USP22: variants seen among roughly 807,000 people sequenced by gnomAD.
The protein encoded by USP22 is ubiquitin specific peptidase 22, also known as ubiquitin carboxyl-terminal hydrolase 22.
In USP22, 22 loss-of-function variants were observed where a neutral mutation model predicts 68.1. The observed-to-expected ratio is 0.32, with a 90% CI of 0.23 to 0.46. The LOEUF is 0.46. USP22 is among the 20% of genes least tolerant of loss of function. The probability of loss-of-function intolerance (pLI) is 1.00; values close to 1 mark genes in which losing one functional copy is unlikely to be tolerated. For synonymous variants in USP22, 279 were observed against 274.2 expected (o/e 1.02, Z -0.17); for missense variants, 433 against 695.8 (o/e 0.62, Z 4.25).
intron 8 of USP22, among the ~76,000 whole-genome samples, chr17:21,010,572 G>C (rs1597690019): frequency 1.0e-5 from 1 of 99,820 alleles, no homozygotes; most frequent in Non-Finnish European, 2.6e-5. Context: ...AGCTACTCAG[G>C]AGAATCACTT....
chr17:21,008,062 G>T, intron 8 of USP22, 66 bp from the exon 9 acceptor site: 1 of 1,562,390 alleles, frequency 6.4e-7, no homozygotes. Context: ...TGAGAGGAAA[G>T]AGGTATTTTA....
In USP22 at chr17:21,007,946, C is replaced by A. The variant is rs754719932; in HGVS notation, c.1154G>T (p.Gly385Val). The change falls in exon 9 of 13, where the codon GGT (glycine) becomes GTT (valine). Residue 385 changes from glycine (G) to valine (V), a missense_variant. By Grantham distance (109) the Gly-to-Val change is moderately radical (BLOSUM62 -3). Transcript: ENST00000261497. The stretch of plus-strand genomic sequence containing the variant: ...TGTGGACTCCTGGTAGCTATGGCAA[C>A]CGCTGCACTTGATCTTGGCGCTGCT... ...LGSSAKIKCS[G>V]CHSYQESTKQ... The A allele has an allele frequency of 1.2e-6, 2 of 1,614,020 alleles. No homozygotes were observed. The highest frequency in any genetic ancestry group is 1.7e-6 in the Non-Finnish European group (2 of 1,180,030).
intron 7 of USP22, among the ~76,000 whole-genome samples, chr17:21,012,521 A>C (rs182639600): frequency 2.6e-5 from 4 of 152,200 alleles, no homozygotes; most frequent in African/African-American, 9.6e-5. Context: ...GGGCTCTTTC[A>C]CTTGGTCCCT....
At chr17:21,030,082 A>T (rs1198558525) in intron 1 of USP22, among the ~76,000 whole-genome samples, 1 of 152,190 alleles carries the variant, frequency 6.6e-6, no homozygotes, top group Non-Finnish European at 1.5e-5. Flanking sequence ...TGATTCCAGG[A>T]TCCCCTCAGG....
chr17:21,002,953 A>AG lies in USP22; in HGVS notation c.*77dup, dbSNP rs11430423. On this transcript the variant is annotated 3_prime_UTR_variant, in exon 13 of 13. Transcript: ENST00000261497. Reference sequence around the variant, plus strand: ...GGGGAGGCGGCGGGAGACTTGGGGGAGGGGGGGGCCAGGGAGGATCACTTT... The same window carrying AG: ...GGGGAGGCGGCGGGAGACTTGGGGGAGGGGGGGGGCCAGGGAGGATCACTTT... The AG allele has an allele frequency of 0.03, 43,711 of 1,479,072 alleles. 3,295 individuals carry two copies. In the African/African-American group the frequency reaches 0.3, roughly 10 times the overall value. The allele number at this position is 1,479,072 out of a possible 1,614,324, so 91.6% of individuals were successfully genotyped here. A position where few individuals can be genotyped will look rare whatever the true frequency, so the allele number is the denominator to read the frequency against.
At position 21,021,233 on chromosome 17, in the gene USP22, A is replaced by T; in HGVS notation, c.305-7T>A. ...CCGTACATCAGATCAATGGCTGAGGAGAGAAAGGAGGGAGGAGAAACCAAG... is the reference window on the plus strand; with the variant it reads ...CCGTACATCAGATCAATGGCTGAGGTGAGAAAGGAGGGAGGAGAAACCAAG... On this transcript the variant is annotated splice_polypyrimidine_tract_variant and splice_region_variant and intron_variant, in intron 2 of 12. Coordinates refer to ENST00000261497, the MANE Select transcript of USP22 (RefSeq NM_015276.2). 6.3e-7 allele frequency: 1 copy of T among 1,589,750 alleles called. No homozygotes were observed. The highest frequency in any genetic ancestry group is 8.6e-7 in the Non-Finnish European group (1 of 1,157,778).
rs1287773287 is a variant in USP22, at chr17:21,033,940, G to A, written c.172-5266C>T. Among the ~76,000 whole-genome samples, 3 of 151,956 alleles carry A rather than the reference G, an allele frequency of 2.0e-5. No individual in the cohort carries two copies. In the East Asian group the frequency reaches 5.8e-4, roughly 29 times the overall value. ...ACTTTTTGTATTTTAGTACAGATGA[G>A]GTTTCACCATGTTGGCCAGGATGGT... is the stretch of plus-strand genomic sequence containing the variant. On this transcript the variant is annotated intron_variant, in intron 1 of 12. Coordinates refer to ENST00000261497, the MANE Select transcript of USP22 (RefSeq NM_015276.2).
intron 4 of USP22, chr17:21,018,331 T>C (rs941898436): frequency 5.7e-5 from 26 of 452,864 alleles, no homozygotes; most frequent in Admixed American, 1.2e-4. Context: ...ACTTCAGCCA[T>C]TGTATGCTTT....
At chr17:21,036,324 T>C (rs1972356187) in intron 1 of USP22, among the ~76,000 whole-genome samples, 2 of 152,232 alleles carry the variant, frequency 1.3e-5, no homozygotes, top group Non-Finnish European at 2.9e-5. Flanking sequence ...AGAGCAAACC[T>C]TAATATATGC....
At chr17:21,027,902 AG>A (rs527929422) in intron 2 of USP22, among the ~76,000 whole-genome samples, 27 of 152,148 alleles carry the variant, frequency 1.8e-4, no homozygotes, top group Non-Finnish European at 3.5e-4. Flanking sequence ...CAGGAAGCAG[AG>A]GTTGCAGTGA....
At chr17:21,010,190 G>A (rs962580520) in intron 8 of USP22, among the ~76,000 whole-genome samples, 2 of 152,040 alleles carry the variant, frequency 1.3e-5, no homozygotes, top group African/African-American at 4.8e-5. Context: ...ATGCAACTTT[G>A]GTCGTGCTGA....
chr17:21,029,943 A>C (rs1272792018), intron 1 of USP22, among the ~76,000 whole-genome samples: 1 of 152,258 alleles, frequency 6.6e-6, no homozygotes, highest in Non-Finnish European at 1.5e-5. Context: ...CAGTGACTGC[A>C]CAGCAGTGTA....
intron 1 of USP22, among the ~76,000 whole-genome samples, chr17:21,036,599 C>T (rs946580558): frequency 6.7e-6 from 1 of 149,486 alleles, no homozygotes; most frequent in Non-Finnish European, 1.5e-5. Flanking sequence ...CAAAGCACAA[C>T]AGGTAAGTAA....
chr17:21,043,123 A>ACCCCCCC (rs1334241677), upstream of USP22: 16 of 18,886 alleles, frequency 8.5e-4, 2 homozygotes, highest in Non-Finnish European at 1.3e-3. Flanking sequence ...AGATTACGTC[A>ACCCCCCC]CCCCCCCCCC....
chr17:21,008,545 T>C (rs1403014000), intron 8 of USP22, among the ~76,000 whole-genome samples: 2 of 152,130 alleles, frequency 1.3e-5, no homozygotes, highest in African/African-American at 2.4e-5. Context: ...TCAGTTGACA[T>C]GACATTCTGG....
At chr17:21,008,716 C>T (rs566786312) in intron 8 of USP22, among the ~76,000 whole-genome samples, 1 of 152,002 alleles carries the variant, frequency 6.6e-6, no homozygotes, top group East Asian at 1.9e-4. Flanking sequence ...CATCGGGGGA[C>T]CGGGGTAAAG....
intron 11 of USP22, 132 bp from the exon 12 acceptor site, chr17:21,004,483 G>T: frequency 8.6e-7 from 1 of 1,160,664 alleles, no homozygotes; most frequent in Non-Finnish European, 1.2e-6. Context: ...CAGGGCCTCA[G>T]GCTGATGCAC....
intron 12 of USP22, among the ~76,000 whole-genome samples, chr17:21,003,629 C>T (rs186991333): frequency 3.9e-5 from 6 of 152,194 alleles, no homozygotes; most frequent in Non-Finnish European, 8.8e-5. Context: ...GGGCCGGGCC[C>T]GGTGGCTCAT....
At chr17:21,013,393 C>T (rs1022179579) in intron 6 of USP22, among the ~76,000 whole-genome samples, 1 of 152,188 alleles carries the variant, frequency 6.6e-6, no homozygotes, top group African/African-American at 2.4e-5. Flanking sequence ...AGGCTGTCCT[C>T]ATCAGCTAGA....
Sources: allele counts gnomAD v4.1 joint callset (sites outside exome capture counted in the v4.1 genomes callset), GRCh38; gene constraint gnomAD v4.1.1; transcripts MANE v1.5; gene names NCBI Gene and HGNC (gene_info 2026-07-23, HGNC 2026-07-21).